RGL1: variants seen among roughly 807,000 people sequenced by gnomAD.
The protein encoded by RGL1 is ral guanine nucleotide dissociation stimulator-like 1.
Under a neutral mutation model 95.2 loss-of-function variants are expected in RGL1, and 24 were observed. That is an observed-to-expected ratio of 0.25 (90% CI 0.18 to 0.35). The LOEUF (loss-of-function observed/expected upper bound fraction) is 0.35. Among genes scored for constraint, RGL1 ranks in the 10% least tolerant of loss-of-function variants. RGL1 has a pLI of 1.00. For synonymous variants in RGL1, 329 were observed against 344.9 expected (o/e 0.95, Z 0.51); for missense variants, 715 against 936.3 (o/e 0.76, Z 3.08).
chr1:183,760,068 A>G (rs896565133), intron 2 of RGL1, among the ~76,000 whole-genome samples: 1 of 151,856 alleles, frequency 6.6e-6, no homozygotes, highest in African/African-American at 2.4e-5. Context: ...AGTCACATAA[A>G]TTTTTTTTTG....
intron 2 of RGL1, among the ~76,000 whole-genome samples, chr1:183,794,944 C>T (rs1660622532): frequency 6.6e-6 from 1 of 152,122 alleles, no homozygotes; most frequent in South Asian, 2.1e-4. Context: ...TTTCTTTATG[C>T]CTTTTCTCTG....
intron 14 of RGL1, 56 bp downstream of exon 14, chr1:183,907,157 A>C: frequency 1.0e-6 from 1 of 978,544 alleles, no homozygotes; most frequent in Non-Finnish European, 1.6e-6. Context: ...GAGTCGTGAG[A>C]GGAGATGTAT....
At chr1:183,903,023 C>T (rs1668113401) in intron 12 of RGL1, among the ~76,000 whole-genome samples, 1 of 152,148 alleles carries the variant, frequency 6.6e-6, no homozygotes, top group African/African-American at 2.4e-5. Context: ...TAAGTATTCT[C>T]ATCACAAATA....
At chr1:183,789,209 C>T (rs1393066064) in intron 2 of RGL1, among the ~76,000 whole-genome samples, 2 of 151,832 alleles carry the variant, frequency 1.3e-5, no homozygotes, top group South Asian at 2.1e-4. Flanking sequence ...TTTGGGAGGC[C>T]GAGGCGGGTG....
chr1:183,690,364 T>C (rs149650074), intron 1 of RGL1, among the ~76,000 whole-genome samples: 25 of 152,292 alleles, frequency 1.6e-4, no homozygotes, highest in Non-Finnish European at 2.6e-4. Flanking sequence ...TTACGTTTTG[T>C]AGTTGTAATC....
chr1:183,737,143 T>C (rs1350320661), intron 1 of RGL1, among the ~76,000 whole-genome samples: 1 of 152,146 alleles, frequency 6.6e-6, no homozygotes, highest in Non-Finnish European at 1.5e-5. Context: ...TAAAGCCATG[T>C]TTCAAAAAAA....
chr1:183,762,148 A>G (rs182921993), intron 2 of RGL1, among the ~76,000 whole-genome samples: 2 of 152,214 alleles, frequency 1.3e-5, no homozygotes, highest in Non-Finnish European at 2.9e-5. Context: ...ATTTCCTTCA[A>G]GAACTTTTCC....
At position 183,859,256 on chromosome 1, in the gene RGL1, C is replaced by T. The variant is rs189076606; in HGVS notation, c.348-6740C>T. Among the ~76,000 whole-genome samples the T allele has an allele frequency of 1.7e-3, 256 of 152,272 alleles. 2 individuals are homozygous for T. Among genetic ancestry groups the T allele is most frequent in the African/African-American group, 4.5e-3 (188 of 41,552 alleles). On this transcript the variant is annotated intron_variant, in intron 3 of 17. Coordinates refer to ENST00000360851, the MANE Select transcript of RGL1 (RefSeq NM_001297671.3). Reference sequence around the variant, plus strand: ...CAGGAAACAGGCCAGAGAAAAGAAACGGATGACAGAGGCTTGGAATGGAAA... The same window carrying T: ...CAGGAAACAGGCCAGAGAAAAGAAATGGATGACAGAGGCTTGGAATGGAAA...
intron 1 of RGL1, among the ~76,000 whole-genome samples, chr1:183,668,573 G>T (rs982896856): frequency 6.6e-6 from 1 of 152,076 alleles, no homozygotes; most frequent in African/African-American, 2.4e-5. Context: ...AAAGTGTTCA[G>T]ATTACAGGCA....
chr1:183,817,194 C>T (rs1662146266), intron 2 of RGL1, among the ~76,000 whole-genome samples: 1 of 152,102 alleles, frequency 6.6e-6, no homozygotes, highest in African/African-American at 2.4e-5. Flanking sequence ...ATGACCTAAT[C>T]CCAGAGGCAA....
At chr1:183,647,747 C>T in intron 1 of RGL1, 2 of 1,613,912 alleles carry the variant, frequency 1.2e-6, no homozygotes, top group South Asian at 1.1e-5. Context: ...CTGTGATTTC[C>T]ACTATCTCCA....
intron 14 of RGL1, among the ~76,000 whole-genome samples, chr1:183,908,664 G>T (rs1668477774): frequency 1.3e-5 from 2 of 152,172 alleles, no homozygotes; most frequent in Admixed American, 1.3e-4. Context: ...TGTGCACAGG[G>T]AATCAGCTCC....
intron 4 of RGL1, among the ~76,000 whole-genome samples, chr1:183,871,969 G>C (rs9425616): frequency 0.13 from 19,541 of 146,560 alleles, 1,371 homozygotes; most frequent in Non-Finnish European, 0.16. Context: ...TCTGATGGTA[G>C]GGCTAGACTG....
At chr1:183,699,657 G>C (rs1488750790) in intron 1 of RGL1, among the ~76,000 whole-genome samples, 1 of 152,008 alleles carries the variant, frequency 6.6e-6, no homozygotes, top group Non-Finnish European at 1.5e-5. Context: ...GGCTGCCTCT[G>C]ATTTATTTCC....
chr1:183,912,131 C>A lies in RGL1; in HGVS notation c.1612C>A (p.Gln538Lys). Residue 538 changes from glutamine (Q) to lysine (K), a missense_variant, in exon 15 of 18, where the codon CAG (glutamine) becomes AAG (lysine). By Grantham distance (53) the Gln-to-Lys change is moderately conservative. Coordinates refer to ENST00000360851, the MANE Select transcript of RGL1 (RefSeq NM_001297671.3). ...CACCAGTCCCACTCCCACCAAAGAG[C>A]AGCCCAAGTCCACTGCCAGCGGGAG... ...MITSPTPTKE[Q>K]PKSTASGSSG... 6.2e-7 allele frequency: 1 copy of A among 1,614,102 alleles called. No individual in the cohort carries two copies. Among genetic ancestry groups the A allele is most frequent in the Non-Finnish European group, 8.5e-7 (1 of 1,180,000 alleles).
At chr1:183,723,010 A>T (rs1656099800) in intron 1 of RGL1, among the ~76,000 whole-genome samples, 1 of 152,242 alleles carries the variant, frequency 6.6e-6, no homozygotes, top group Non-Finnish European at 1.5e-5. Context: ...TCATGACATG[A>T]GAAAGTAAAA....
In RGL1 at chr1:183,893,323, A is replaced by G. The variant is rs1667523547; in HGVS notation, c.1140+1162A>G. On this transcript the variant is annotated intron_variant, in intron 9 of 17. Transcript: ENST00000360851. ...TTATCCTTAATCTCCTTTTCTATAA[A>G]TGGGAGCCAATCAAAGTATTTGGTC... is the stretch of plus-strand genomic sequence containing the variant. 5.3e-5 allele frequency among the ~76,000 whole-genome samples: 8 copies of G among 152,216 alleles called. No homozygotes were observed. The South Asian group carries it at 1.7e-3, about 31-fold the overall frequency.
At chr1:183,822,768 T>C (rs1218167526) in intron 2 of RGL1, among the ~76,000 whole-genome samples, 9 of 152,194 alleles carry the variant, frequency 5.9e-5, no homozygotes, top group African/African-American at 2.2e-4. Flanking sequence ...AGGAAAATCA[T>C]AGGATTTTAG....
In RGL1 at chr1:183,733,881, C is replaced by T. The variant is rs531189536; in HGVS notation, c.-32-8245C>T. Among the ~76,000 whole-genome samples the T allele has an allele frequency of 3.3e-5, 5 of 152,294 alleles. No homozygotes were observed. In the East Asian group the frequency reaches 7.7e-4, roughly 24 times the overall value. On this transcript the variant is annotated intron_variant, in intron 1 of 18. Transcript: ENST00000304685. The stretch of plus-strand genomic sequence containing the variant: ...TGGTATATGTGAAAATCATGGTGTT[C>T]TTGCTACTTAGAGACTGTGAGAAGG...
Sources: gnomAD v4.1 joint callset for allele counts (sites outside exome capture counted in the v4.1 genomes callset) on GRCh38, gnomAD v4.1.1 for gene constraint, MANE v1.5 for transcripts, NCBI Gene and HGNC (gene_info 2026-07-23, HGNC 2026-07-21) for gene names.